STRBP: variants seen among roughly 807,000 people sequenced by gnomAD.
The protein encoded by STRBP is spermatid perinuclear RNA binding protein.
In STRBP, 13 loss-of-function variants were observed where a neutral mutation model predicts 80.1. The observed-to-expected ratio is 0.16, with a 90% confidence interval of 0.11 to 0.26. The LOEUF is 0.26. STRBP is among the 10% of genes least tolerant of loss of function. The probability of loss-of-function intolerance (pLI) is 1.00; values close to 1 mark genes in which losing one functional copy is unlikely to be tolerated. For missense variants in STRBP, 485 were observed against 815.2 expected (o/e 0.59, Z 4.93); for synonymous variants, 284 against 291.2 (o/e 0.98, Z 0.25).
intron 2 of STRBP, among the ~76,000 whole-genome samples, chr9:123,195,209 T>C (rs982618422): frequency 1.3e-5 from 2 of 152,184 alleles, no homozygotes; most frequent in Non-Finnish European, 2.9e-5. Context: ...ACTTCATCCC[T>C]TTAATTGTTC....
chr9:123,130,448 G>C (rs2036087662), intron 17 of STRBP, among the ~76,000 whole-genome samples: 1 of 152,044 alleles, frequency 6.6e-6, no homozygotes, highest in Admixed American at 6.6e-5. Context: ...GGCAACGAGT[G>C]GCCATAAACG....
In STRBP at chr9:123,113,270, G is replaced by C. The variant is rs571017856; in HGVS notation, c.*84+2659C>G. 4 of 166,286 alleles carry C rather than the reference G, an allele frequency of 2.4e-5. No homozygotes were observed. The East Asian group carries it at 7.7e-4, about 32-fold the overall frequency. The allele number at this position is 166,286 out of a possible 1,614,324, so 10.3% of individuals were successfully genotyped here. A position where few individuals can be genotyped will look rare whatever the true frequency, so the allele number is the denominator to read the frequency against. ...GTCCAGTGGCTCCCTACAGCCCAGA[G>C]AATCCAGTCCACACCCCTGAGCCTG... On this transcript the variant is annotated intron_variant and NMD_transcript_variant, in intron 3 of 3. Transcript: ENST00000471564.
intron 18 of STRBP, among the ~76,000 whole-genome samples, chr9:123,127,891 A>C (rs1254444277): frequency 6.6e-6 from 1 of 152,244 alleles, no homozygotes. Flanking sequence ...CAAGCTAGCA[A>C]CTGAGTATGG....
At chr9:123,179,410 C>A (rs2132451380) in intron 3 of STRBP, among the ~76,000 whole-genome samples, 183 bp from the exon 4 acceptor site, 1 of 152,282 alleles carries the variant, frequency 6.6e-6, no homozygotes, top group East Asian at 1.9e-4. Context: ...GAACTCCTCA[C>A]CAGAAAACAA....
At chr9:123,164,716 T>G (rs2037679686) in intron 6 of STRBP, among the ~76,000 whole-genome samples, 1 of 152,208 alleles carries the variant, frequency 6.6e-6, no homozygotes, top group Non-Finnish European at 1.5e-5. Context: ...AGGATGAAAC[T>G]GAGCTACTAA....
At position 123,222,523 on chromosome 9, in the gene STRBP, A is replaced by T. The variant is rs1489994478; in HGVS notation, c.-165+14307T>A. Among the ~76,000 whole-genome samples the T allele has an allele frequency of 2.0e-5, 3 of 152,346 alleles. No individual in the cohort carries two copies. In the East Asian group the frequency reaches 5.8e-4, roughly 29 times the overall value. On this transcript the variant is annotated intron_variant, in intron 2 of 18. Transcript: ENST00000348403. Reference sequence around the variant, plus strand: ...ATATTTTTAAAACCATGAGTTCAACAAATTACTAATATCAGAAATAAAAGA... The same window carrying T: ...ATATTTTTAAAACCATGAGTTCAACTAATTACTAATATCAGAAATAAAAGA...
At chr9:123,186,541 T>TG (rs1827489145) in intron 2 of STRBP, among the ~76,000 whole-genome samples, 1 of 151,196 alleles carries the variant, frequency 6.6e-6, no homozygotes, top group African/African-American at 2.4e-5. Flanking sequence ...CAATAACTCA[T>TG]GAAAAAAAAA....
At chr9:123,189,796 A>G (rs1204719787) in intron 2 of STRBP, among the ~76,000 whole-genome samples, 1 of 152,162 alleles carries the variant, frequency 6.6e-6, no homozygotes, top group African/African-American at 2.4e-5. Context: ...ATGTATACCT[A>G]TGTATCAAAC....
intron 2 of STRBP, among the ~76,000 whole-genome samples, chr9:123,202,329 T>C (rs2039356313): frequency 6.6e-6 from 1 of 152,242 alleles, no homozygotes; most frequent in Non-Finnish European, 1.5e-5. Flanking sequence ...GGTTTTAAGC[T>C]TTCCACTTTG....
intron 2 of STRBP, among the ~76,000 whole-genome samples, chr9:123,186,030 T>TC (rs1412289977): frequency 1.1e-4 from 1 of 8,926 alleles, no homozygotes; most frequent in Non-Finnish European, 2.4e-4. Flanking sequence ...AGACTCCGTC[T>TC]CAAAAAAAAA....
rs1439229743 is a variant in STRBP at position 123,163,115 on chromosome 9, T to C, written c.536-2047A>G. Among the ~76,000 whole-genome samples the C allele has an allele frequency of 3.3e-5, 5 of 152,308 alleles. No individual in the cohort carries two copies. The East Asian group carries it at 9.6e-4, about 29-fold the overall frequency. Reference sequence around the variant, plus strand: ...CTATGACAAGCTAAATTTTATTCCATCATCTTACCAAGTAGGAATGTCAGG... The same window carrying C: ...CTATGACAAGCTAAATTTTATTCCACCATCTTACCAAGTAGGAATGTCAGG... On this transcript the variant is annotated intron_variant, in intron 6 of 18. Transcript: ENST00000348403.
intron 17 of STRBP, among the ~76,000 whole-genome samples, chr9:123,131,164 T>C (rs2036120347): frequency 1.3e-5 from 2 of 152,218 alleles, no homozygotes; most frequent in Admixed American, 6.5e-5. Flanking sequence ...GTAAACTATA[T>C]GCCTTCTAAC....
chr9:123,175,499 T>G (rs991683717), intron 4 of STRBP, among the ~76,000 whole-genome samples: 5 of 152,184 alleles, frequency 3.3e-5, no homozygotes, highest in Admixed American at 6.5e-5. Context: ...GGCACACTTA[T>G]AGAGATTCAA....
In STRBP at chr9:123,136,543, C is replaced by T. The variant is rs2036360445; in HGVS notation, c.1498-28G>A. The T allele has an allele frequency of 4.4e-6, 7 of 1,605,076 alleles. No individual in the cohort carries two copies. In the East Asian group the frequency reaches 1.6e-4, roughly 36 times the overall value. On this transcript the variant is annotated intron_variant, in intron 14 of 18. Transcript: ENST00000348403. This position sits in a 1 kb window ranked among gnomAD's most constrained non-coding sequence, Gnocchi z 4.2. The stretch of plus-strand genomic sequence containing the variant: ...ATAAGAGAAAGGGAATCTGAAGGTT[C>T]AATCAAGTAAGATTTTAGAATATTA...
intron 1 of STRBP, among the ~76,000 whole-genome samples, chr9:123,258,882 G>A (rs2041097666): frequency 6.6e-6 from 1 of 151,862 alleles, no homozygotes; most frequent in African/African-American, 2.4e-5. Context: ...AAGAGATGAT[G>A]AGGTCAGACA....
chr9:123,168,850 C>T (rs2037882846), intron 6 of STRBP, among the ~76,000 whole-genome samples: 1 of 152,210 alleles, frequency 6.6e-6, no homozygotes, highest in Non-Finnish European at 1.5e-5. Context: ...AAGCCCACCA[C>T]AATTCCATCA....
chr9:123,260,607 T>C (rs1451839010), intron 1 of STRBP, among the ~76,000 whole-genome samples: 1 of 152,204 alleles, frequency 6.6e-6, no homozygotes, highest in Non-Finnish European at 1.5e-5. Flanking sequence ...ATTGTTAATT[T>C]AGGGGGTTAA....
intron 1 of STRBP, among the ~76,000 whole-genome samples, chr9:123,250,580 G>A (rs573077425): frequency 1.1e-4 from 16 of 152,188 alleles, no homozygotes; most frequent in East Asian, 5.8e-4. Flanking sequence ...TGTTCCCAAT[G>A]CTAGGTTTTC....
intron 3 of STRBP, chr9:123,111,600 A>T: frequency 2.1e-6 from 1 of 479,058 alleles, no homozygotes. Context: ...ACTGCCTGAC[A>T]GACAAGAGCC....
Sources: gnomAD v4.1 joint callset for allele counts (sites outside exome capture counted in the v4.1 genomes callset) on GRCh38, gnomAD v4.1.1 for gene constraint, Gnocchi (gnomAD v3.1) non-coding constraint, MANE v1.5 for transcripts, NCBI Gene and HGNC (gene_info 2026-07-23, HGNC 2026-07-21) for gene names.